The following NIPBL variants were observed in gnomAD, a reference collection of about 807,000 sequenced individuals.
NIPBL encodes the protein NIPBL cohesin loading factor.
NIPBL carries 19 observed loss-of-function variants against 321.8 expected under a neutral mutation model. That is an observed-to-expected ratio of 0.06 (90% confidence interval 0.04 to 0.09). The LOEUF (loss-of-function observed/expected upper bound fraction) is 0.09, where lower values mean the gene tolerates loss of function less well. NIPBL is among the 10% of genes least tolerant of loss of function. NIPBL has a pLI of 1.00. For synonymous variants in NIPBL, 1,106 were observed against 1,114.1 expected (o/e 0.99, Z 0.14); for missense variants, 2,210 against 3,327.0 (o/e 0.66, Z 8.26).
At chr5:37,064,481 C>A (rs768606162) in intron 46 of NIPBL, 46 bp from the exon 47 acceptor site, 3 of 1,604,110 alleles carry the variant, frequency 1.9e-6, no homozygotes, top group South Asian at 1.1e-5. Flanking sequence ...CACTAAAATT[C>A]TTTTGTGTAA....
At chr5:37,005,826 A>T (rs182008102) in intron 16 of NIPBL, among the ~76,000 whole-genome samples, 3 of 152,276 alleles carry the variant, frequency 2.0e-5, no homozygotes, top group African/African-American at 4.8e-5. Context: ...TTATCCATTT[A>T]AAAAAAGTCT....
intron 6 of NIPBL, among the ~76,000 whole-genome samples, chr5:36,963,391 C>T (rs1047090342): frequency 4.6e-5 from 7 of 152,084 alleles, no homozygotes; most frequent in Non-Finnish European, 1.0e-4. Context: ...AAACTTTTAA[C>T]TTTGTCATCC....
intron 37 of NIPBL, 94 bp from the exon 38 acceptor site, chr5:37,046,015 A>T: frequency 2.8e-6 from 2 of 716,188 alleles, no homozygotes; most frequent in Non-Finnish European, 5.1e-6. Flanking sequence ...GTTCACACAA[A>T]TTCTCATTGT....
chr5:37,040,556 T>G (rs1249735357), intron 34 of NIPBL, among the ~76,000 whole-genome samples: 1 of 152,232 alleles, frequency 6.6e-6, no homozygotes, highest in Non-Finnish European at 1.5e-5. Flanking sequence ...TGGCTATATA[T>G]TATCCATTTT....
In NIPBL at chr5:37,020,652, C is replaced by G. The variant is rs1749518425; in HGVS notation, c.5204C>G (p.Pro1735Arg). Residue 1735 changes from proline (P) to arginine (R), a missense_variant, in exon 26 of 47, where the codon CCT becomes CGT. Around this residue, in one of 14 missense-constraint regions of NIPBL, gnomAD observed 138 missense variants for 175.8 expected, o/e 0.79. Coordinates refer to ENST00000282516, the MANE Select transcript of NIPBL (RefSeq NM_133433.4). ...CTTAGAAGCATTATCAAAACCACAC[C>G]TTCTCAGTTTAGCACATTAAAGTAA... Reference protein sequence around the residue: ...KFLRSIIKTTPSQFSTLKMNS... With the variant: ...KFLRSIIKTTRSQFSTLKMNS... The G allele has an allele frequency of 6.2e-7, 1 of 1,613,872 alleles. No individual in the cohort carries two copies. Among genetic ancestry groups the G allele is most frequent in the East Asian group, 2.2e-5 (1 of 44,858 alleles).
intron 1 of NIPBL, among the ~76,000 whole-genome samples, chr5:36,943,713 C>A (rs937693054): frequency 1.3e-5 from 2 of 152,058 alleles, no homozygotes; most frequent in African/African-American, 4.8e-5. Flanking sequence ...ATTTTAAAAT[C>A]ATGCCACTGA....
At position 36,958,496 on chromosome 5, in the gene NIPBL, A is replaced by G. The variant is rs294691; in HGVS notation, c.358+265A>G. Among the ~76,000 whole-genome samples, 6,392 of 152,270 alleles carry G rather than the reference A, an allele frequency of 0.042. 461 individuals are homozygous for G. Among genetic ancestry groups the G allele is most frequent in the African/African-American group, 0.15 (6,048 of 41,538 alleles). On this transcript the variant is annotated intron_variant, in intron 4 of 46. Coordinates refer to ENST00000282516, the MANE Select transcript of NIPBL (RefSeq NM_133433.4). Reference sequence around the variant, plus strand: ...CTCAGCTTAAAAATTTTTTTGTTTTAGAAAATCAGAATTAATTTGAAATAA... The same window carrying G: ...CTCAGCTTAAAAATTTTTTTGTTTTGGAAAATCAGAATTAATTTGAAATAA...
chr5:36,943,556 A>T (rs1403313071), intron 1 of NIPBL, among the ~76,000 whole-genome samples: 5 of 152,148 alleles, frequency 3.3e-5, no homozygotes, highest in African/African-American at 1.2e-4. Flanking sequence ...ATAAAAAAAA[A>T]ACCCTAGCAT....
chr5:37,003,391 T>A, intron 16 of NIPBL, 44 bp downstream of exon 16: 1 of 1,169,372 alleles, frequency 8.6e-7, no homozygotes, highest in Non-Finnish European at 1.3e-6. Flanking sequence ...TTAATGTTAT[T>A]AAGATCTATA....
At chr5:36,886,977 A>C (rs1049800401) in intron 1 of NIPBL, among the ~76,000 whole-genome samples, 5 of 152,172 alleles carry the variant, frequency 3.3e-5, no homozygotes, top group South Asian at 2.1e-4. Flanking sequence ...ACTTTGGTGA[A>C]GCTCTTACGA....
At chr5:37,045,957 G>T in intron 37 of NIPBL, 152 bp from the exon 38 acceptor site, 1 of 601,194 alleles carries the variant, frequency 1.7e-6, no homozygotes. Flanking sequence ...TACTTTGAAT[G>T]CCACTGTTCT....
intron 37 of NIPBL, 38 bp from the exon 38 acceptor site, chr5:37,046,071 C>A: frequency 1.0e-6 from 1 of 993,670 alleles, no homozygotes; most frequent in Non-Finnish European, 1.6e-6. Context: ...ATCTAAGTTA[C>A]TGTTCATGAA....
intron 27 of NIPBL, among the ~76,000 whole-genome samples, chr5:37,021,095 T>C (rs1749577439): frequency 2.6e-5 from 4 of 152,094 alleles, no homozygotes; most frequent in Admixed American, 6.5e-5. Context: ...GGTCAAGAGT[T>C]CGAGACCAAC....
At position 37,026,244 on chromosome 5, in the gene NIPBL, A is replaced by G; in HGVS notation, c.5725A>G (p.Thr1909Ala). The change falls in exon 31 of 47, where the codon ACA becomes GCA. Residue 1909 changes from threonine (T) to alanine (A), a missense_variant. Around this residue, in one of 14 missense-constraint regions of NIPBL, gnomAD observed 69 missense variants for 100.8 expected, o/e 0.68. Coordinates refer to ENST00000282516, the MANE Select transcript of NIPBL (RefSeq NM_133433.4). ...TTCCTTCTAGAAATTAGTAAATGAA[A>G]CATTCCAGAAACTCTGGTTTACTCC... ...EEGIKKLVNE[T>A]FQKLWFTPTP... 1.2e-6 allele frequency: 2 copies of G among 1,604,744 alleles called. No homozygotes were observed. Among genetic ancestry groups the G allele is most frequent in the Non-Finnish European group, 1.7e-6 (2 of 1,172,044 alleles).
chr5:36,953,619 G>A lies in NIPBL; in HGVS notation c.-78G>A. 8.9e-7 allele frequency: 1 copy of A among 1,119,836 alleles called. No individual in the cohort carries two copies. Among genetic ancestry groups the A allele is most frequent in the Non-Finnish European group, 1.4e-6 (1 of 728,670 alleles). 69.4% of individuals were successfully genotyped at this position (1,119,836 alleles called of 1,614,324 possible). On this transcript the variant is annotated splice_region_variant and 5_prime_UTR_variant, in exon 2 of 47. Coordinates refer to ENST00000282516, the MANE Select transcript of NIPBL (RefSeq NM_133433.4). ...AATTGTCTGTTTTGTGTGTTGCAGT[G>A]TTTGGGAAATGGGAAGTAATGACAG...
chr5:36,943,480 A>G (rs1015654830), intron 1 of NIPBL, among the ~76,000 whole-genome samples: 2 of 152,166 alleles, frequency 1.3e-5, no homozygotes, highest in South Asian at 2.1e-4. Context: ...ATTGAATGCT[A>G]TATCTATCAT....
At chr5:37,012,345 T>C (rs549373481) in intron 21 of NIPBL, among the ~76,000 whole-genome samples, 64 of 151,068 alleles carry the variant, frequency 4.2e-4, no homozygotes, top group Non-Finnish European at 7.4e-4. Flanking sequence ...CTTGGTGATA[T>C]TCTCTTTTTA....
In NIPBL at chr5:37,066,033, G is replaced by A. The variant is rs1468320057; in HGVS notation, c.*1141G>A. Reference sequence around the variant, plus strand: ...AAATTATTTTTTAATGCTGAAAAGAGTAATTTTACTTGTTGAGATGTTTAT... The same window carrying A: ...AAATTATTTTTTAATGCTGAAAAGAATAATTTTACTTGTTGAGATGTTTAT... On this transcript the variant is annotated 3_prime_UTR_variant, in exon 47 of 47. Coordinates refer to ENST00000282516, the MANE Select transcript of NIPBL (RefSeq NM_133433.4). 1 of 152,152 alleles carries A rather than the reference G, an allele frequency of 6.6e-6. No homozygotes were observed. Among genetic ancestry groups the A allele is most frequent in the Non-Finnish European group, 1.5e-5 (1 of 68,010 alleles). The allele number at this position is 152,152 out of a possible 1,614,324, so 9.4% of individuals were successfully genotyped here.
intron 1 of NIPBL, among the ~76,000 whole-genome samples, chr5:36,914,448 A>G (rs1748300316): frequency 6.6e-6 from 1 of 152,248 alleles, no homozygotes; most frequent in Admixed American, 6.5e-5. Context: ...TTGAGTGCCT[A>G]CGTGGTGCCA....
Sources: allele counts gnomAD v4.1 joint callset (sites outside exome capture counted in the v4.1 genomes callset), GRCh38; gene constraint gnomAD v4.1.1; regional missense constraint gnomAD v4.1.1; transcripts MANE v1.5; gene names NCBI Gene and HGNC (gene_info 2026-07-23, HGNC 2026-07-21).